MICAL2: variants seen among roughly 807,000 people sequenced by gnomAD.
MICAL2 encodes [F-actin]-monooxygenase MICAL2.
Under a neutral mutation model 127.3 loss-of-function variants are expected in MICAL2, and 77 were observed. The ratio of observed to expected loss-of-function variants is 0.60; its 90% CI spans 0.50 to 0.73. MICAL2 has a LOEUF of 0.73. MICAL2 is among the 30% of genes least tolerant of loss of function. The pLI is 0.00. For synonymous variants in MICAL2, 570 were observed against 551.1 expected, an observed-to-expected ratio of 1.03 and a Z score of -0.48; for missense variants, 1,351 against 1,434.4, an observed-to-expected ratio of 0.94 and a Z score of 0.94.
chr11:12,118,361 C>T (rs1479386425), intron 1 of MICAL2, among the ~76,000 whole-genome samples: 1 of 152,188 alleles, frequency 6.6e-6, no homozygotes, highest in African/African-American at 2.4e-5. Flanking sequence ...ACTTTTTTGG[C>T]AGCTGTTGTC....
At chr11:12,195,050 A>G (rs1303966938) in intron 3 of MICAL2, among the ~76,000 whole-genome samples, 1 of 152,170 alleles carries the variant, frequency 6.6e-6, no homozygotes, top group African/African-American at 2.4e-5. Context: ...TGATCGCTTG[A>G]GGGCCCACCA....
intron 2 of MICAL2, among the ~76,000 whole-genome samples, chr11:12,146,535 C>A (rs11022206): frequency 6.6e-6 from 1 of 151,854 alleles, no homozygotes; most frequent in Non-Finnish European, 1.5e-5. Flanking sequence ...CCAGTTAGAA[C>A]GGTGATCATT....
intron 32 of MICAL2, among the ~76,000 whole-genome samples, chr11:12,333,053 A>C (rs1383540833): frequency 1.3e-5 from 2 of 152,222 alleles, no homozygotes; most frequent in African/African-American, 2.4e-5. Context: ...TGCAAGCCAA[A>C]TATTGAACAA....
chr11:12,171,147 G>A (rs1183401575), intron 3 of MICAL2, among the ~76,000 whole-genome samples: 1 of 152,198 alleles, frequency 6.6e-6, no homozygotes, highest in Non-Finnish European at 1.5e-5. Flanking sequence ...CTAGCATCTG[G>A]CTGCCCGTGG....
intron 2 of MICAL2, among the ~76,000 whole-genome samples, chr11:12,150,701 T>G (rs1853478741): frequency 6.6e-6 from 1 of 152,282 alleles, no homozygotes; most frequent in Middle Eastern, 3.4e-3. Context: ...AAGGCCTAAT[T>G]TCAGCAAGAC....
chr11:12,114,539 A>T (rs1849844862), intron 1 of MICAL2, among the ~76,000 whole-genome samples: 1 of 152,126 alleles, frequency 6.6e-6, no homozygotes, highest in Non-Finnish European at 1.5e-5. Flanking sequence ...CTCCCCTACT[A>T]CATAGGGAGC....
At chr11:12,286,332 C>T (rs894424046) in intron 2 of MICAL2, among the ~76,000 whole-genome samples, 2 of 152,192 alleles carry the variant, frequency 1.3e-5, no homozygotes, top group Non-Finnish European at 2.9e-5. Flanking sequence ...TCAATCAGAG[C>T]AGCTCCAGTT....
chr11:12,163,331 C>T (rs1590137425), intron 3 of MICAL2, among the ~76,000 whole-genome samples: 1 of 152,170 alleles, frequency 6.6e-6, no homozygotes, highest in South Asian at 2.1e-4. Context: ...AGGTTAAAAT[C>T]GAATGTGCTG....
At chr11:12,167,094 C>A (rs1565080252) in intron 3 of MICAL2, among the ~76,000 whole-genome samples, 1 of 152,068 alleles carries the variant, frequency 6.6e-6, no homozygotes, top group Admixed American at 6.5e-5. Flanking sequence ...TAACAATGAG[C>A]CCCTGATTCC....
At chr11:12,208,002 T>C (rs201579826) in intron 4 of MICAL2, 21 bp from the exon 5 acceptor site, 2 of 1,584,610 alleles carry the variant, frequency 1.3e-6, no homozygotes, top group Non-Finnish European at 1.7e-6. Context: ...TGACAGTTCC[T>C]CTCTCCTTCC....
chr11:12,188,379 C>T (rs1858600439), intron 3 of MICAL2, among the ~76,000 whole-genome samples: 2 of 152,138 alleles, frequency 1.3e-5, no homozygotes, highest in South Asian at 4.1e-4. Context: ...TAACTGGTGG[C>T]TGTTTTGCCT....
At chr11:12,296,569 A>G (rs1483525037), downstream of MICAL2, among the ~76,000 whole-genome samples, 1 of 149,580 alleles carries the variant, frequency 6.7e-6, no homozygotes, top group African/African-American at 2.4e-5. Context: ...ACATCACAAA[A>G]TTTAATGTGT....
At chr11:12,113,306 G>A (rs1849744745) in intron 1 of MICAL2, among the ~76,000 whole-genome samples, 1 of 152,216 alleles carries the variant, frequency 6.6e-6, no homozygotes, top group Non-Finnish European at 1.5e-5. Flanking sequence ...CAGCACTTTG[G>A]AGGCTGAGGT....
chr11:12,115,979 T>C (rs956771401), intron 1 of MICAL2, among the ~76,000 whole-genome samples: 2 of 131,292 alleles, frequency 1.5e-5, no homozygotes, highest in African/African-American at 2.8e-5. Flanking sequence ...TTTCCCTTTC[T>C]TTTTTTTTTT....
At chr11:12,336,925 G>A (rs1938774694) in intron 32 of MICAL2, among the ~76,000 whole-genome samples, 1 of 151,832 alleles carries the variant, frequency 6.6e-6, no homozygotes, top group Non-Finnish European at 1.5e-5. Context: ...TTTTTTTGTT[G>A]TGTCTCTACC....
At chr11:12,235,550 A>G (rs570473879) in intron 15 of MICAL2, among the ~76,000 whole-genome samples, 3 of 152,236 alleles carry the variant, frequency 2.0e-5, no homozygotes, top group Non-Finnish European at 2.9e-5. Context: ...CACGCTAGTC[A>G]TCAGGCTATA....
intron 29 of MICAL2, among the ~76,000 whole-genome samples, chr11:12,309,302 G>A (rs1864146487): frequency 6.6e-6 from 1 of 151,754 alleles, no homozygotes; most frequent in South Asian, 2.1e-4. Flanking sequence ...ATTGTATTTT[G>A]TACCCATTAC....
chr11:12,239,195 C>A (rs1029152070), intron 16 of MICAL2, among the ~76,000 whole-genome samples: 1 of 152,176 alleles, frequency 6.6e-6, no homozygotes, highest in Admixed American at 6.5e-5. Context: ...AAATGAGAGT[C>A]GGGATTCAAA....
At chr11:12,199,835 A>G (rs10831759) in intron 3 of MICAL2, among the ~76,000 whole-genome samples, 16,565 of 152,128 alleles carry the variant, frequency 0.11, 1,004 homozygotes, top group African/African-American at 0.16. Flanking sequence ...GAGCTTATCT[A>G]TACAATGGAT....
Sources: allele counts gnomAD v4.1 joint callset (sites outside exome capture counted in the v4.1 genomes callset), GRCh38; gene constraint gnomAD v4.1.1; transcripts MANE v1.5; gene names NCBI Gene and HGNC (gene_info 2026-07-23, HGNC 2026-07-21).